Variants in ERCC3 observed in about 807,000 individuals in gnomAD.
The protein encoded by ERCC3 is general transcription and DNA repair factor IIH helicase/translocase subunit XPB.
ERCC3 carries 66 observed loss-of-function variants against 94.2 expected under a neutral mutation model. That is an observed-to-expected ratio of 0.70 (90% CI 0.57 to 0.86). The LOEUF (loss-of-function observed/expected upper bound fraction) is 0.86. Among genes scored for constraint, ERCC3 ranks in the 40% least tolerant of loss-of-function variants. The pLI is 0.00. For missense variants in ERCC3, 829 were observed against 987.1 expected, an observed-to-expected ratio of 0.84 and a Z score of 2.15; for synonymous variants, 349 against 369.1, an observed-to-expected ratio of 0.95 and a Z score of 0.63.
intron 8 of ERCC3, among the ~76,000 whole-genome samples, chr2:127,283,601 T>C (rs1324816827): frequency 6.6e-6 from 1 of 152,244 alleles, no homozygotes; most frequent in Non-Finnish European, 1.5e-5. Context: ...GGAATGGGAC[T>C]GATGGGTCAT....
intron 6 of ERCC3, 86 bp from the exon 7 acceptor site, chr2:127,288,950 A>T: frequency 9.0e-7 from 1 of 1,116,984 alleles, no homozygotes; most frequent in South Asian, 1.2e-5. Flanking sequence ...ATGGTCAAAA[A>T]AGTGGCATTC....
In ERCC3 at chr2:127,271,483, TATG is replaced by T; in HGVS notation, c.1828-33_1828-31del. 1 of 1,464,246 alleles carries T rather than the reference TATG, an allele frequency of 6.8e-7. No individual in the cohort carries two copies. Among genetic ancestry groups the T allele is most frequent in the South Asian group, 1.2e-5 (1 of 86,370 alleles). The allele number at this position is 1,464,246 out of a possible 1,614,324, so 90.7% of individuals were successfully genotyped here. On this transcript the variant is annotated intron_variant, in intron 11 of 14. Coordinates refer to ENST00000285398, the MANE Select transcript of ERCC3 (RefSeq NM_000122.2). This position sits in a 1 kb window ranked among gnomAD's most constrained non-coding sequence, Gnocchi z 5.0. ...AGAAACAAGTTGGAAGGTTTTTATA[TATG>T]AGGAAAAAAAAAAAGTCAACTGATC...
At chr2:127,293,987 C>A (rs1196865357) in intron 1 of ERCC3, 67 bp downstream of exon 1, 5 of 1,581,954 alleles carry the variant, frequency 3.2e-6, no homozygotes, top group Non-Finnish European at 4.3e-6. Context: ...GGAGCAGCTC[C>A]GAGGCAGAGC....
chr2:127,279,125 G>T lies in ERCC3; in HGVS notation c.1730+48C>A. On this transcript the variant is annotated intron_variant, in intron 10 of 14. Transcript: ENST00000285398. The surrounding 1 kb of genome is among the most constrained non-coding windows in gnomAD (Gnocchi z 4.7). ...AACAGCCACCTTCTGCACTCTCAAT[G>T]GGGAAGAGAAACTGGCCTGGAGGAA... is the stretch of plus-strand genomic sequence containing the variant. 7.7e-7 allele frequency: 1 copy of T among 1,296,176 alleles called. No homozygotes were observed. Among genetic ancestry groups the T allele is most frequent in the South Asian group, 1.2e-5 (1 of 84,264 alleles). The allele number at this position is 1,296,176 out of a possible 1,614,324, so 80.3% of individuals were successfully genotyped here. A position where few individuals can be genotyped will look rare whatever the true frequency, so the allele number is the denominator to read the frequency against.
chr2:127,292,958 T>C (rs1473621662), intron 2 of ERCC3, 112 bp from the exon 3 acceptor site: 2 of 743,460 alleles, frequency 2.7e-6, no homozygotes, highest in African/African-American at 1.7e-5. Flanking sequence ...ACCACAGATA[T>C]TCTTGCAAGC....
At chr2:127,260,018 A>G (rs1684144216) in intron 13 of ERCC3, 1 of 166,446 alleles carries the variant, frequency 6.0e-6, no homozygotes, top group East Asian at 1.6e-4. Context: ...AGGGCTCCCT[A>G]TCCCTGCAGA....
chr2:127,258,528 C>T lies in ERCC3; in HGVS notation c.2217+768G>A, dbSNP rs1684091952. Among the ~76,000 whole-genome samples the T allele has an allele frequency of 6.6e-6, 1 of 152,214 alleles. No individual in the cohort carries two copies. Among genetic ancestry groups the T allele is most frequent in the South Asian group, 2.1e-4 (1 of 4,820 alleles). ...CTCTCCTGGGTTCCCATGGAGAGTGCCCCCTGGGTCGGGGGAGGAAAGCCT... is the reference window on the plus strand; with the variant it reads ...CTCTCCTGGGTTCCCATGGAGAGTGTCCCCTGGGTCGGGGGAGGAAAGCCT... On this transcript the variant is annotated intron_variant, in intron 14 of 14. Transcript: ENST00000285398. This position sits in a 1 kb window ranked among gnomAD's most constrained non-coding sequence, Gnocchi z 4.1.
Position 127,294,106 on chromosome 2 carries a change from A to G in ERCC3, c.-25T>C. The G allele has an allele frequency of 6.2e-7, 1 of 1,605,608 alleles. No homozygotes were observed. The highest frequency in any genetic ancestry group is 8.5e-7 in the Non-Finnish European group (1 of 1,179,176). Reference sequence around the variant, plus strand: ...TGGCAGCTACAGCAGCAGAGAGAAGATGACCCCGCTCCCACAGGCCCGCCG... The same window carrying G: ...TGGCAGCTACAGCAGCAGAGAGAAGGTGACCCCGCTCCCACAGGCCCGCCG... On this transcript the variant is annotated 5_prime_UTR_variant, in exon 1 of 15. Coordinates refer to ENST00000285398, the MANE Select transcript of ERCC3 (RefSeq NM_000122.2).
chr2:127,276,663 G>T (rs1488468330), intron 10 of ERCC3, among the ~76,000 whole-genome samples: 1 of 152,114 alleles, frequency 6.6e-6, no homozygotes, highest in African/African-American at 2.4e-5. Flanking sequence ...ATTCCAAGAA[G>T]GGACTACATA....
At chr2:127,266,060 T>C (rs1286648743) in intron 12 of ERCC3, among the ~76,000 whole-genome samples, 1 of 151,932 alleles carries the variant, frequency 6.6e-6, no homozygotes, top group Non-Finnish European at 1.5e-5. Context: ...GCAAGTTGTT[T>C]AGTTTCTATG....
chr2:127,273,618 G>A (rs1166296183), intron 10 of ERCC3, among the ~76,000 whole-genome samples: 9 of 151,686 alleles, frequency 5.9e-5, no homozygotes, highest in Admixed American at 6.6e-5. Context: ...GTGTGGTGGC[G>A]CATGTGTGTA....
intron 10 of ERCC3, among the ~76,000 whole-genome samples, chr2:127,273,728 A>C (rs376953158): frequency 4.9e-4 from 72 of 147,658 alleles, no homozygotes; most frequent in African/African-American, 1.6e-3. Context: ...CACCCTGGGA[A>C]ACAAGAGTGA....
intron 11 of ERCC3, among the ~76,000 whole-genome samples, chr2:127,272,526 T>C (rs1164456856): frequency 2.0e-5 from 3 of 152,170 alleles, no homozygotes; most frequent in Admixed American, 1.3e-4. Flanking sequence ...CTCCAACTTG[T>C]AAAGAGAACT....
Position 127,292,733 on chromosome 2 carries a change from G to A in ERCC3, c.348C>T (p.Tyr116=), listed in dbSNP as rs931691852. Residue 116 remains tyrosine, a synonymous_variant, in exon 3 of 15, where the codon TAC becomes TAT. Transcript: ENST00000285398. ...PVCRPTHVHE[Y]KLTAYSLYAA... is the part of the protein sequence containing the mutation. ...CATACAAGGAGTAGGCAGTTAGTTTGTACTCATGCACATGGGTTGGTCGGC... is the reference window on the plus strand; with the variant it reads ...CATACAAGGAGTAGGCAGTTAGTTTATACTCATGCACATGGGTTGGTCGGC... 1.2e-6 allele frequency: 2 copies of A among 1,614,044 alleles called. No individual in the cohort carries two copies. The highest frequency in any genetic ancestry group is 1.7e-6 in the Non-Finnish European group (2 of 1,179,986).
At position 127,259,217 on chromosome 2, in the gene ERCC3, C is replaced by G; in HGVS notation, c.2217+79G>C. On this transcript the variant is annotated intron_variant, in intron 14 of 14. Transcript: ENST00000285398. The surrounding 1 kb of genome is among the most constrained non-coding windows in gnomAD (Gnocchi z 4.9). ...ATCCCATGGGCCCATCCAGGCAGGACTACATGTCTGTGTCTGTGTCTACAA... is the reference window on the plus strand; with the variant it reads ...ATCCCATGGGCCCATCCAGGCAGGAGTACATGTCTGTGTCTGTGTCTACAA... 1 of 1,538,170 alleles carries G rather than the reference C, an allele frequency of 6.5e-7. No individual in the cohort carries two copies. The highest frequency in any genetic ancestry group is 1.1e-5 in the South Asian group (1 of 89,038).
At chr2:127,289,605 G>C (rs958631609) in intron 5 of ERCC3, 84 bp downstream of exon 5, 3 of 1,603,290 alleles carry the variant, frequency 1.9e-6, no homozygotes, top group Admixed American at 1.7e-5. Flanking sequence ...CTGCTAGGTT[G>C]TAAGTGCTGG....
rs1452916741 is a variant in ERCC3 at position 127,294,037 on chromosome 2, C to G, written c.28+17G>C. On this transcript the variant is annotated intron_variant, in intron 1 of 14. Coordinates refer to ENST00000285398, the MANE Select transcript of ERCC3 (RefSeq NM_000122.2). ...GCAAGGGCAGTCGTGGCTGAGCGTG[C>G]CCGCGCAACGTCTCACCGCGGTCCG... 1 of 1,603,762 alleles carries G rather than the reference C, an allele frequency of 6.2e-7. No individual in the cohort carries two copies. Among genetic ancestry groups the G allele is most frequent in the Admixed American group, 1.7e-5 (1 of 59,670 alleles).
rs1573926119 is a variant in ERCC3, at chr2:127,259,567, G to A, written c.2065-119C>T. On this transcript the variant is annotated intron_variant, in intron 13 of 14. Coordinates refer to ENST00000285398, the MANE Select transcript of ERCC3 (RefSeq NM_000122.2). The surrounding 1 kb of genome is among the most constrained non-coding windows in gnomAD (Gnocchi z 4.9). Reference sequence around the variant, plus strand: ...CCTCCCCAGGCCCAGCCACCCTGGTGGCCAACAATGGAGAGCTCCTCCCTA... The same window carrying A: ...CCTCCCCAGGCCCAGCCACCCTGGTAGCCAACAATGGAGAGCTCCTCCCTA... The A allele has an allele frequency of 1.5e-6, 2 of 1,320,368 alleles. No homozygotes were observed. The highest frequency in any genetic ancestry group is 2.3e-5 in the East Asian group (1 of 43,538). The allele number at this position is 1,320,368 out of a possible 1,614,324, so 81.8% of individuals were successfully genotyped here.
chr2:127,259,816 G>A lies in ERCC3; in HGVS notation c.2065-368C>T, dbSNP rs1305634286. The A allele has an allele frequency of 2.8e-6, 1 of 354,520 alleles. No individual in the cohort carries two copies. The highest frequency in any genetic ancestry group is 3.9e-5 in the Admixed American group (1 of 25,460). The allele number at this position is 354,520 out of a possible 1,614,324, so 22.0% of individuals were successfully genotyped here. A position where few individuals can be genotyped will look rare whatever the true frequency, so the allele number is the denominator to read the frequency against. Reference sequence around the variant, plus strand: ...CAAAGGAAGGGACAAGTGACTGGAAGGCACAGGCTGTGGCCCTTTGTGAAG... The same window carrying A: ...CAAAGGAAGGGACAAGTGACTGGAAAGCACAGGCTGTGGCCCTTTGTGAAG... On this transcript the variant is annotated intron_variant, in intron 13 of 14. Coordinates refer to ENST00000285398, the MANE Select transcript of ERCC3 (RefSeq NM_000122.2). The surrounding 1 kb of genome is among the most constrained non-coding windows in gnomAD (Gnocchi z 4.9).
Sources: gnomAD v4.1 joint callset for allele counts (sites outside exome capture counted in the v4.1 genomes callset) on GRCh38, gnomAD v4.1.1 for gene constraint, Gnocchi (gnomAD v3.1) non-coding constraint, MANE v1.5 for transcripts, NCBI Gene and HGNC (gene_info 2026-07-23, HGNC 2026-07-21) for gene names.